The following KIAA1217 variants were observed in gnomAD, a reference collection of about 807,000 sequenced individuals.
The protein encoded by KIAA1217 is sickle tail protein homolog.
Under a neutral mutation model 163.9 loss-of-function variants are expected in KIAA1217, and 88 were observed. The observed-to-expected ratio is 0.54, with a 90% CI of 0.45 to 0.64. The LOEUF (loss-of-function observed/expected upper bound fraction) is 0.64, where lower values mean the gene tolerates loss of function less well. KIAA1217 is among the 30% of genes least tolerant of loss of function. KIAA1217 has a pLI of 0.00. For synonymous variants in KIAA1217, 903 were observed against 923.1 expected (o/e 0.98, Z 0.39); for missense variants, 2,372 against 2,475.0 (o/e 0.96, Z 0.88).
intron 2 of KIAA1217, among the ~76,000 whole-genome samples, chr10:24,081,756 AAT>A (rs1345961314): frequency 6.6e-6 from 1 of 152,150 alleles, no homozygotes; most frequent in African/African-American, 2.4e-5. Flanking sequence ...AAAATTTATA[AAT>A]TTGTGTTGGG....
intron 13 of KIAA1217, among the ~76,000 whole-genome samples, chr10:24,525,796 G>C (rs552050311): frequency 1.1e-3 from 172 of 152,144 alleles, no homozygotes; most frequent in Non-Finnish European, 2.1e-3. Context: ...AGACTAGCCT[G>C]GGCAACATGA....
intron 1 of KIAA1217, among the ~76,000 whole-genome samples, chr10:23,895,328 G>A (rs548255537): frequency 6.6e-5 from 10 of 152,082 alleles, no homozygotes; most frequent in East Asian, 1.9e-4. Flanking sequence ...ACAAGTGAGC[G>A]AAGGACATGA....
At chr10:24,296,401 C>T (rs2040616228) in intron 2 of KIAA1217, among the ~76,000 whole-genome samples, 1 of 152,178 alleles carries the variant, frequency 6.6e-6, no homozygotes, top group South Asian at 2.1e-4. Context: ...AATCACTATG[C>T]CCGGCCAGGA....
chr10:24,261,444 C>T (rs756511473), intron 2 of KIAA1217, among the ~76,000 whole-genome samples: 5 of 147,590 alleles, frequency 3.4e-5, no homozygotes, highest in African/African-American at 5.0e-5. Context: ...TACAGTGAGC[C>T]GAGATTGCAC....
intron 2 of KIAA1217, among the ~76,000 whole-genome samples, chr10:24,128,835 A>C (rs1161860521): frequency 3.3e-5 from 5 of 152,234 alleles, no homozygotes; most frequent in Non-Finnish European, 7.3e-5. Context: ...CTACTTTCAT[A>C]AACTGGCATT....
At chr10:24,244,687 C>T (rs1277776237) in intron 2 of KIAA1217, among the ~76,000 whole-genome samples, 1 of 151,748 alleles carries the variant, frequency 6.6e-6, no homozygotes, top group African/African-American at 2.4e-5. Flanking sequence ...GCCTCAGCCT[C>T]CCGAGTAGCT....
intron 2 of KIAA1217, among the ~76,000 whole-genome samples, chr10:24,127,468 AG>A (rs1296240963): frequency 6.6e-6 from 1 of 152,200 alleles, no homozygotes; most frequent in Non-Finnish European, 1.5e-5. Context: ...AAAAGTCCAA[AG>A]CCCTTTCTAT....
chr10:23,755,669 TTA>T (rs1833884023), intron 1 of KIAA1217, among the ~76,000 whole-genome samples: 1 of 152,118 alleles, frequency 6.6e-6, no homozygotes, highest in Non-Finnish European at 1.5e-5. Flanking sequence ...ACTTAATAGG[TTA>T]TTGTGGAAGG....
At chr10:24,484,206 T>G (rs1005342776) in intron 6 of KIAA1217, among the ~76,000 whole-genome samples, 11 of 137,820 alleles carry the variant, frequency 8.0e-5, no homozygotes, top group Non-Finnish European at 1.4e-4. Flanking sequence ...TATACATATA[T>G]ATAGATAGAT....
In KIAA1217 at chr10:24,268,395, A is replaced by G. The variant is rs367980505; in HGVS notation, c.354+48486A>G. The stretch of plus-strand genomic sequence containing the variant: ...CAAACAACCCCATCAAAAAGTGGGC[A>G]AAGGACATGAACAGACACTTCTCAA... On this transcript the variant is annotated intron_variant, in intron 2 of 20. Coordinates refer to ENST00000376454, the MANE Select transcript of KIAA1217 (RefSeq NM_019590.5). 4.0e-3 allele frequency among the ~76,000 whole-genome samples: 605 copies of G among 151,080 alleles called. 5 individuals carry two copies. Among genetic ancestry groups the G allele is most frequent in the African/African-American group, 0.014 (574 of 41,272 alleles).
intron 1 of KIAA1217, among the ~76,000 whole-genome samples, chr10:23,962,569 AC>A (rs1228729285): frequency 5.4e-4 from 82 of 152,356 alleles, no homozygotes; most frequent in African/African-American, 2.0e-3. Context: ...ACTGAAAGAT[AC>A]TATATATTGT....
At chr10:24,416,975 T>C (rs1040020665) in intron 3 of KIAA1217, among the ~76,000 whole-genome samples, 4 of 152,192 alleles carry the variant, frequency 2.6e-5, no homozygotes, top group Non-Finnish European at 5.9e-5. Context: ...TCAGGACTTA[T>C]ACCCCTAATC....
At chr10:24,077,740 G>A (rs114399901) in intron 2 of KIAA1217, among the ~76,000 whole-genome samples, 1 of 152,292 alleles carries the variant, frequency 6.6e-6, no homozygotes, top group Middle Eastern at 3.4e-3. Flanking sequence ...GCCTCTTAGG[G>A]CTTTGGAGAA....
intron 2 of KIAA1217, among the ~76,000 whole-genome samples, chr10:24,065,971 CT>C (rs911224843): frequency 2.6e-5 from 4 of 151,976 alleles, no homozygotes; most frequent in Admixed American, 6.6e-5. Context: ...TAACCCCTGC[CT>C]TTTTTTGTTT....
chr10:24,505,293 AC>A (rs1172219972), intron 9 of KIAA1217, among the ~76,000 whole-genome samples: 1 of 150,482 alleles, frequency 6.6e-6, no homozygotes, highest in Non-Finnish European at 1.5e-5. Flanking sequence ...GCTATATGGA[AC>A]CTTTATAGTG....
rs191107930 is a variant in KIAA1217 at position 24,041,360 on chromosome 10, C to A, written c.-171+33986C>A. 7.9e-5 allele frequency among the ~76,000 whole-genome samples: 12 copies of A among 152,292 alleles called. No homozygotes were observed. In the East Asian group the frequency reaches 2.3e-3, roughly 29 times the overall value. On this transcript the variant is annotated intron_variant, in intron 2 of 18. Transcript: ENST00000376462. The stretch of plus-strand genomic sequence containing the variant: ...AATTGGTGGAAGGAATGTTTTCAGC[C>A]TTGAAAAATGTGACCCCTTGAACAC...
At chr10:24,207,344 C>A (rs1034012051), upstream of KIAA1217, among the ~76,000 whole-genome samples, 3 of 151,914 alleles carry the variant, frequency 2.0e-5, no homozygotes, top group Non-Finnish European at 4.4e-5. Context: ...CCTCCCCACT[C>A]TTCCTAGCAT....
chr10:23,996,670 A>C (rs1020830678), intron 1 of KIAA1217, among the ~76,000 whole-genome samples: 3 of 152,230 alleles, frequency 2.0e-5, no homozygotes, highest in African/African-American at 4.8e-5. Context: ...AATAATTGGA[A>C]CTAATACTAA....
At chr10:23,707,558 G>T (rs528109957) in intron 1 of KIAA1217, among the ~76,000 whole-genome samples, 2 of 152,236 alleles carry the variant, frequency 1.3e-5, no homozygotes, top group East Asian at 3.9e-4. Flanking sequence ...GGGTGGAATA[G>T]TAGACACTGG....
Sources: allele counts gnomAD v4.1 joint callset (sites outside exome capture counted in the v4.1 genomes callset), GRCh38; gene constraint gnomAD v4.1.1; transcripts MANE v1.5; gene names NCBI Gene and HGNC (gene_info 2026-07-23, HGNC 2026-07-21).